TCF15: variants seen among roughly 807,000 people sequenced by gnomAD.
The protein encoded by TCF15 is transcription factor 15, also known as TCF-15.
TCF15 carries 7 observed loss-of-function variants against 11.1 expected under a neutral mutation model. That is an observed-to-expected ratio of 0.63 (90% CI 0.36 to 1.19). The LOEUF is 1.19. Ranked by LOEUF, TCF15 falls within the 50% of genes most tolerant of loss-of-function variation. The pLI, the probability that TCF15 is intolerant of heterozygous loss-of-function variation, is 0.02. For synonymous variants in TCF15, 144 were observed against 138.9 expected, an observed-to-expected ratio of 1.04 and a Z score of -0.26; for missense variants, 288 against 289.4, an observed-to-expected ratio of 1.00 and a Z score of 0.03.
Position 609,064 on chromosome 20 carries a change from A to G in TCF15, c.525+649T>C, listed in dbSNP as rs1391839931. On this transcript the variant is annotated intron_variant, in intron 1 of 1. Transcript: ENST00000246080. The surrounding 1 kb of genome is among the most constrained non-coding windows in gnomAD (Gnocchi z 4.7). ...GTCCTTTTGGGGGCTGGGGACTCTC[A>G]GAGGGCCCCTTCTTCACTCCTACTG... Among the ~76,000 whole-genome samples, 1 of 151,984 alleles carries G rather than the reference A, an allele frequency of 6.6e-6. No homozygotes were observed. Among genetic ancestry groups the G allele is most frequent in the African/African-American group, 2.4e-5 (1 of 41,394 alleles).
chr20:604,418 C>T lies in TCF15; in HGVS notation c.*173G>A. On this transcript the variant is annotated 3_prime_UTR_variant, in exon 2 of 2. Transcript: ENST00000246080. This position sits in a 1 kb window ranked among gnomAD's most constrained non-coding sequence, Gnocchi z 4.2. ...CAGAGCTGGGCAGGCTGAATGGATC[C>T]TCACAGCTCTCCAGGATCGGGTGGA... 2 of 650,834 alleles carry T rather than the reference C, an allele frequency of 3.1e-6. No homozygotes were observed. Among genetic ancestry groups the T allele is most frequent in the Non-Finnish European group, 2.7e-6 (1 of 365,622 alleles). The allele number at this position is 650,834 out of a possible 1,614,324, so 40.3% of individuals were successfully genotyped here.
At chr20:605,757 T>C (rs2019968731) in intron 1 of TCF15, among the ~76,000 whole-genome samples, 1 of 152,208 alleles carries the variant, frequency 6.6e-6, no homozygotes, top group Non-Finnish European at 1.5e-5. Flanking sequence ...ATTTTCAGAC[T>C]GGACACATGG....
intron 1 of TCF15, among the ~76,000 whole-genome samples, chr20:605,412 T>C (rs907313778): frequency 1.3e-5 from 2 of 152,176 alleles, no homozygotes; most frequent in Non-Finnish European, 2.9e-5. Flanking sequence ...TCAGGTCTTG[T>C]CTCCCTGGAA....
At position 609,627 on chromosome 20, in the gene TCF15, C is replaced by A; in HGVS notation, c.525+86G>T. 7.7e-7 allele frequency: 1 copy of A among 1,300,320 alleles called. No individual in the cohort carries two copies. Among genetic ancestry groups the A allele is most frequent in the South Asian group, 2.4e-5 (1 of 42,398 alleles). The allele number at this position is 1,300,320 out of a possible 1,614,324, so 80.5% of individuals were successfully genotyped here. On this transcript the variant is annotated intron_variant, in intron 1 of 1. Coordinates refer to ENST00000246080, the MANE Select transcript of TCF15 (RefSeq NM_004609.4). This position sits in a 1 kb window ranked among gnomAD's most constrained non-coding sequence, Gnocchi z 4.7. ...CGCTTCCCCCTGGCCTCGTTGGGGA[C>A]CCCTGCACCTCTCCGGTTCCCGCAG...
At position 609,916 on chromosome 20, in the gene TCF15, G is replaced by A. The variant is rs764582383; in HGVS notation, c.322C>T (p.Leu108=). 2 of 1,523,630 alleles carry A rather than the reference G, an allele frequency of 1.3e-6. No individual in the cohort carries two copies. The highest frequency in any genetic ancestry group is 2.7e-5 in the East Asian group (1 of 36,966). 94.4% of individuals were successfully genotyped at this position (1,523,630 alleles called of 1,614,324 possible). A position where few individuals can be genotyped will look rare whatever the true frequency, so the allele number is the denominator to read the frequency against. Residue 108 remains leucine, a synonymous_variant, in exon 1 of 2, where the codon CTG becomes TTG. Coordinates refer to ENST00000246080, the MANE Select transcript of TCF15 (RefSeq NM_004609.4). The surrounding 1 kb of genome is among the most constrained non-coding windows in gnomAD (Gnocchi z 4.7). ...LIPTEPVDRK[L]SKIETVRLAS... ...AGGCGCACGGTCTCGATCTTGGACA[G>A]CTTGCGGTCCACCGGCTCGGTGGGG... is the stretch of plus-strand genomic sequence containing the variant.
chr20:605,255 T>C (rs2019963599), intron 1 of TCF15, among the ~76,000 whole-genome samples: 1 of 152,248 alleles, frequency 6.6e-6, no homozygotes, highest in South Asian at 2.1e-4. Context: ...CATAATATTT[T>C]ACACGGGCAA....
At position 610,303 on chromosome 20, in the gene TCF15, G is replaced by A. The variant is rs1395037364; in HGVS notation, c.-66C>T. On this transcript the variant is annotated 5_prime_UTR_variant, in exon 1 of 2. Coordinates refer to ENST00000246080, the MANE Select transcript of TCF15 (RefSeq NM_004609.4). ...CGGCCGCGCCCCGCCGTGCGCTCCCGCGCGCTCCCACGGCCCCGCCGGCCC... is the reference window on the plus strand; with the variant it reads ...CGGCCGCGCCCCGCCGTGCGCTCCCACGCGCTCCCACGGCCCCGCCGGCCC... 2.0e-6 allele frequency: 2 copies of A among 985,362 alleles called. No individual in the cohort carries two copies. The highest frequency in any genetic ancestry group is 2.4e-6 in the Non-Finnish European group (2 of 829,680). The allele number at this position is 985,362 out of a possible 1,614,324, so 61.0% of individuals were successfully genotyped here.
Position 609,174 on chromosome 20 carries a change from G to A in TCF15, c.525+539C>T, listed in dbSNP as rs45459001. ...TCTCCTGCTCTTGGGTTAGATCTTA[G>A]GACAGGGGACAATTATTTCAAGGTG... On this transcript the variant is annotated intron_variant, in intron 1 of 1. Coordinates refer to ENST00000246080, the MANE Select transcript of TCF15 (RefSeq NM_004609.4). This position sits in a 1 kb window ranked among gnomAD's most constrained non-coding sequence, Gnocchi z 4.7. Among the ~76,000 whole-genome samples, 748 of 152,240 alleles carry A rather than the reference G, an allele frequency of 4.9e-3. 8 individuals carry two copies. Among genetic ancestry groups the A allele is most frequent in the African/African-American group, 0.015 (633 of 41,548 alleles).
chr20:607,529 T>C (rs1393230561), intron 1 of TCF15, among the ~76,000 whole-genome samples: 2 of 152,192 alleles, frequency 1.3e-5, no homozygotes, highest in African/African-American at 4.8e-5. Context: ...CTGGCCAGGA[T>C]TGCCCCTCTC....
At position 609,619 on chromosome 20, in the gene TCF15, G is replaced by A. The variant is rs1276377071; in HGVS notation, c.525+94C>T. 8 of 1,283,248 alleles carry A rather than the reference G, an allele frequency of 6.2e-6. No individual in the cohort carries two copies. In the East Asian group the frequency reaches 1.3e-4, roughly 21 times the overall value. The allele number at this position is 1,283,248 out of a possible 1,614,324, so 79.5% of individuals were successfully genotyped here. A position where few individuals can be genotyped will look rare whatever the true frequency, so the allele number is the denominator to read the frequency against. ...TTCCACGTCGCTTCCCCCTGGCCTCGTTGGGGACCCCTGCACCTCTCCGGT... is the reference window on the plus strand; with the variant it reads ...TTCCACGTCGCTTCCCCCTGGCCTCATTGGGGACCCCTGCACCTCTCCGGT... On this transcript the variant is annotated intron_variant, in intron 1 of 1. Transcript: ENST00000246080. This position sits in a 1 kb window ranked among gnomAD's most constrained non-coding sequence, Gnocchi z 4.7.
rs1456530955 is a variant in TCF15, at chr20:610,300, C to G, written c.-63G>C. The G allele has an allele frequency of 5.1e-6, 5 of 985,888 alleles. No homozygotes were observed. In the African/African-American group the frequency reaches 5.3e-5, roughly 10 times the overall value. The allele number at this position is 985,888 out of a possible 1,614,324, so 61.1% of individuals were successfully genotyped here. ...CGTCGGCCGCGCCCCGCCGTGCGCTCCCGCGCGCTCCCACGGCCCCGCCGG... is the reference window on the plus strand; with the variant it reads ...CGTCGGCCGCGCCCCGCCGTGCGCTGCCGCGCGCTCCCACGGCCCCGCCGG... On this transcript the variant is annotated 5_prime_UTR_variant, in exon 1 of 2. Coordinates refer to ENST00000246080, the MANE Select transcript of TCF15 (RefSeq NM_004609.4).
rs1165256222 is a variant in TCF15, at chr20:609,160, T to C, written c.525+553A>G. Among the ~76,000 whole-genome samples, 5 of 152,032 alleles carry C rather than the reference T, an allele frequency of 3.3e-5. No homozygotes were observed. The highest frequency in any genetic ancestry group is 6.5e-5 in the Admixed American group (1 of 15,278). ...TCCTTTCTTCTCAGTCTCCTGCTCT[T>C]GGGTTAGATCTTAGGACAGGGGACA... On this transcript the variant is annotated intron_variant, in intron 1 of 1. Transcript: ENST00000246080. This position sits in a 1 kb window ranked among gnomAD's most constrained non-coding sequence, Gnocchi z 4.7.
In TCF15 at chr20:604,681, A is replaced by G. The variant is rs1479048595; in HGVS notation, c.526-16T>C. 1 of 1,543,744 alleles carries G rather than the reference A, an allele frequency of 6.5e-7. No individual in the cohort carries two copies. On this transcript the variant is annotated splice_polypyrimidine_tract_variant and intron_variant, in intron 1 of 1. Coordinates refer to ENST00000246080, the MANE Select transcript of TCF15 (RefSeq NM_004609.4). The surrounding 1 kb of genome is among the most constrained non-coding windows in gnomAD (Gnocchi z 4.2). Reference sequence around the variant, plus strand: ...GACGGCCACCCTGCAGAGGGGGAGAAAGAGTATAAAGAGGTTCGATTAGGC... The same window carrying G: ...GACGGCCACCCTGCAGAGGGGGAGAGAGAGTATAAAGAGGTTCGATTAGGC...
intron 1 of TCF15, among the ~76,000 whole-genome samples, chr20:607,823 C>T (rs948443652): frequency 3.9e-5 from 6 of 152,218 alleles, no homozygotes; most frequent in Admixed American, 2.0e-4. Context: ...TGTGTCTCTG[C>T]GCCACTGGCA....
At chr20:607,522 G>A (rs7270847) in intron 1 of TCF15, among the ~76,000 whole-genome samples, 48,250 of 152,186 alleles carry the variant, frequency 0.32, 9,205 homozygotes, top group Non-Finnish European at 0.44. Flanking sequence ...GCCATAGCTG[G>A]CCAGGATTGC....
chr20:607,990 C>G (rs45586432), intron 1 of TCF15, among the ~76,000 whole-genome samples: 286 of 152,318 alleles, frequency 1.9e-3, no homozygotes, highest in African/African-American at 6.3e-3. Context: ...TGCACTCCTG[C>G]CACTTTTAAC....
At position 609,759 on chromosome 20, in the gene TCF15, TGGCGGCCGCCGTCGGCGGC is replaced by T; in HGVS notation, c.460_478del (p.Ala154SerfsTer27). On this transcript the variant is annotated frameshift_variant, in exon 1 of 2. Coordinates refer to ENST00000246080, the MANE Select transcript of TCF15 (RefSeq NM_004609.4). LOFTEE classifies it high-confidence loss of function. The surrounding 1 kb of genome is among the most constrained non-coding windows in gnomAD (Gnocchi z 4.7). ...GCAGAAGGTGCAGATGGAGCGCGGC[TGGCGGCCGCCGTCGGCGGC>T]GGCGGGGACGGCGCCCTTGGCACTG... 7.1e-7 allele frequency: 1 copy of T among 1,405,292 alleles called. No individual in the cohort carries two copies. Among genetic ancestry groups the T allele is most frequent in the Admixed American group, 3.5e-5 (1 of 28,546 alleles). 87.1% of individuals were successfully genotyped at this position (1,405,292 alleles called of 1,614,324 possible). A position where few individuals can be genotyped will look rare whatever the true frequency, so the allele number is the denominator to read the frequency against.
At chr20:606,384 CAGA>C in intron 1 of TCF15, among the ~76,000 whole-genome samples, 1 of 152,320 alleles carries the variant, frequency 6.6e-6, no homozygotes, top group Admixed American at 6.5e-5. Flanking sequence ...CCTAGGGTCC[CAGA>C]AGAATGCTGG....
chr20:605,669 G>T (rs955101292), intron 1 of TCF15, among the ~76,000 whole-genome samples: 1 of 152,226 alleles, frequency 6.6e-6, no homozygotes, highest in African/African-American at 2.4e-5. Flanking sequence ...GGCAGCCATT[G>T]GAAGATGGGC....
Sources: gnomAD v4.1 joint callset for allele counts (sites outside exome capture counted in the v4.1 genomes callset) on GRCh38, gnomAD v4.1.1 for gene constraint, Gnocchi (gnomAD v3.1) non-coding constraint, MANE v1.5 for transcripts, NCBI Gene and HGNC (gene_info 2026-07-23, HGNC 2026-07-21) for gene names.